PRLR: variants seen among roughly 807,000 people sequenced by gnomAD.
PRLR encodes hPRL receptor.
Under a neutral mutation model 40.2 loss-of-function variants are expected in PRLR, and 13 were observed. The ratio of observed to expected loss-of-function variants is 0.32; its 90% CI spans 0.21 to 0.51. The LOEUF is 0.51. PRLR is among the 20% of genes least tolerant of loss of function. The pLI, the probability that PRLR is intolerant of heterozygous loss-of-function variation, is 0.97. For missense variants in PRLR, 656 were observed against 747.3 expected, an observed-to-expected ratio of 0.88 and a Z score of 1.42; for synonymous variants, 269 against 278.7, an observed-to-expected ratio of 0.97 and a Z score of 0.35.
intron 5 of PRLR, among the ~76,000 whole-genome samples, chr5:35,079,627 A>G (rs566022495): frequency 1.3e-5 from 2 of 152,302 alleles, no homozygotes; most frequent in South Asian, 4.1e-4. Flanking sequence ...AAATGGCCAT[A>G]CTGCCCAAGG....
At chr5:35,102,470 C>T (rs1258525574) in intron 2 of PRLR, among the ~76,000 whole-genome samples, 4 of 148,554 alleles carry the variant, frequency 2.7e-5, no homozygotes, top group East Asian at 2.0e-4. Flanking sequence ...TGTCCCATCC[C>T]GTCCCGTCCC....
At position 35,065,971 on chromosome 5, in the gene PRLR, A is replaced by G. The variant is rs756488499; in HGVS notation, c.987T>C (p.His329=). 7.4e-6 allele frequency: 12 copies of G among 1,614,174 alleles called. No individual in the cohort carries two copies. The highest frequency in any genetic ancestry group is 6.7e-5 in the East Asian group (3 of 44,882). Residue 329 remains histidine, a synonymous_variant, in exon 10 of 10, where the codon CAT becomes CAC. Transcript: ENST00000618457. The part of the protein sequence containing the change: ...DSEDQHLMSV[H]SKEHPSQGMK... ...TACCTTGACTTGGGTGTTCTTTTGA[A>G]TGGACTGACATTAGATGCTGGTCCT...
intron 9 of PRLR, among the ~76,000 whole-genome samples, chr5:35,066,761 CTTT>C (rs70973025): frequency 4.3e-5 from 5 of 116,598 alleles, no homozygotes; most frequent in South Asian, 5.7e-4. Context: ...ACTCTTGCCT[CTTT>C]TTTTTTTTTT....
chr5:35,126,461 A>T (rs1027111585), intron 1 of PRLR, among the ~76,000 whole-genome samples: 1 of 152,206 alleles, frequency 6.6e-6, no homozygotes, highest in African/African-American at 2.4e-5. Context: ...GTCCAATTGC[A>T]TCAATCATTC....
chr5:35,087,105 C>T (rs530120939), intron 3 of PRLR, among the ~76,000 whole-genome samples: 57 of 152,056 alleles, frequency 3.7e-4, no homozygotes, highest in Non-Finnish European at 7.8e-4. Flanking sequence ...GCAATTCTGC[C>T]TCAGCCTCCT....
At chr5:35,050,256 T>G (rs377285222) in intron 8 of PRLR, among the ~76,000 whole-genome samples, 1 of 152,198 alleles carries the variant, frequency 6.6e-6, no homozygotes, top group East Asian at 1.9e-4. Flanking sequence ...TTACGTGATG[T>G]CCACAAAATC....
At chr5:35,114,934 C>T (rs2111683829) in intron 2 of PRLR, among the ~76,000 whole-genome samples, 1 of 152,334 alleles carries the variant, frequency 6.6e-6, no homozygotes, top group African/African-American at 2.4e-5. Context: ...TCTTCTCTAT[C>T]CCTGCCCACA....
Position 35,101,492 on chromosome 5 carries a change from C to T in PRLR, c.-43-11829G>A, listed in dbSNP as rs1471477496. ...GTTAGTAGCTGAAGTGAATAAAAAT[C>T]GCAATATCAGAAATCAAGGAAATGT... On this transcript the variant is annotated intron_variant, in intron 2 of 9. Coordinates refer to ENST00000618457, the MANE Select transcript of PRLR (RefSeq NM_000949.7). Among the ~76,000 whole-genome samples, 7 of 152,160 alleles carry T rather than the reference C, an allele frequency of 4.6e-5. No homozygotes were observed. The East Asian group carries it at 7.7e-4, about 17-fold the overall frequency.
chr5:35,065,914 G>T lies in PRLR; in HGVS notation c.1044C>A (p.Asp348Glu). The change falls in exon 10 of 10, where the codon GAC becomes GAA. Residue 348 changes from aspartate (D) to glutamate (E), a missense_variant. Coordinates refer to ENST00000618457, the MANE Select transcript of PRLR (RefSeq NM_000949.7). ...MKPTYLDPDT[D>E]SGRGSCDSPS... Reference sequence around the variant, plus strand: ...GGCTGTCACAGCTCCCCCGGCCTGAGTCAGTGTCAGGATCCAGGTATGTGG... The same window carrying T: ...GGCTGTCACAGCTCCCCCGGCCTGATTCAGTGTCAGGATCCAGGTATGTGG... 6.2e-7 allele frequency: 1 copy of T among 1,614,154 alleles called. No individual in the cohort carries two copies. Among genetic ancestry groups the T allele is most frequent in the Non-Finnish European group, 8.5e-7 (1 of 1,180,020 alleles).
At chr5:35,154,473 T>C (rs545158169) in intron 1 of PRLR, among the ~76,000 whole-genome samples, 1 of 152,312 alleles carries the variant, frequency 6.6e-6, no homozygotes, top group South Asian at 2.1e-4. Context: ...AAGTCCTTCA[T>C]ATTTGAAGAA....
intron 1 of PRLR, among the ~76,000 whole-genome samples, chr5:35,206,516 T>A (rs1025739584): frequency 7.2e-5 from 11 of 152,206 alleles, no homozygotes; most frequent in African/African-American, 2.4e-4. Context: ...TAAAAAATGT[T>A]AAATTATTCT....
intron 1 of PRLR, among the ~76,000 whole-genome samples, chr5:35,172,935 A>G (rs1466567551): frequency 6.6e-6 from 1 of 152,242 alleles, no homozygotes; most frequent in Non-Finnish European, 1.5e-5. Context: ...CTTTTTAACC[A>G]TATGGATAAG....
intron 1 of PRLR, among the ~76,000 whole-genome samples, chr5:35,140,533 C>T (rs987350380): frequency 6.6e-6 from 1 of 152,168 alleles, no homozygotes; most frequent in Non-Finnish European, 1.5e-5. Flanking sequence ...AATAATTCAA[C>T]AATTAATTCT....
chr5:35,219,841 GATATTATTCTGTTTTAGTTCAAA>G (rs1159380053), intron 1 of PRLR, among the ~76,000 whole-genome samples: 1 of 152,188 alleles, frequency 6.6e-6, no homozygotes, highest in East Asian at 1.9e-4. Context: ...AATAGCACTA[GATATTATTCTGTTTTAGTTCAAA>G]ACAAGGGGTC....
At chr5:35,116,176 G>A (rs1216159850) in intron 2 of PRLR, among the ~76,000 whole-genome samples, 1 of 152,130 alleles carries the variant, frequency 6.6e-6, no homozygotes, top group Non-Finnish European at 1.5e-5. Context: ...AGGTCCATGA[G>A]GTGCACTTAA....
At chr5:35,166,344 T>G (rs1391407740) in intron 1 of PRLR, among the ~76,000 whole-genome samples, 2 of 152,208 alleles carry the variant, frequency 1.3e-5, no homozygotes, top group African/African-American at 4.8e-5. Flanking sequence ...CTGCTTTGGA[T>G]AGCATGGCTT....
intron 1 of PRLR, among the ~76,000 whole-genome samples, chr5:35,125,736 C>T (rs1384937306): frequency 1.3e-5 from 2 of 152,128 alleles, no homozygotes; most frequent in African/African-American, 4.8e-5. Context: ...TACATATTTC[C>T]TGGTCTTAGT....
chr5:35,155,690 C>T (rs1774473605), intron 1 of PRLR, among the ~76,000 whole-genome samples: 1 of 152,118 alleles, frequency 6.6e-6, no homozygotes, highest in Non-Finnish European at 1.5e-5. Flanking sequence ...AAAGGAGTTA[C>T]CGGAGATTCC....
intron 1 of PRLR, among the ~76,000 whole-genome samples, chr5:35,219,942 C>T (rs1187237879): frequency 6.6e-6 from 1 of 152,104 alleles, no homozygotes; most frequent in African/African-American, 2.4e-5. Context: ...TTCGCTGGTC[C>T]CCTCCATCTG....
Sources: gnomAD v4.1 joint callset for allele counts (sites outside exome capture counted in the v4.1 genomes callset) on GRCh38, gnomAD v4.1.1 for gene constraint, MANE v1.5 for transcripts, NCBI Gene and HGNC (gene_info 2026-07-23, HGNC 2026-07-21) for gene names.